The following SFI1 variants were observed in gnomAD, a reference collection of about 807,000 sequenced individuals.
SFI1 encodes the protein SFI1 centrin binding protein.
In SFI1, 195 loss-of-function variants were observed where a neutral mutation model predicts 207.5. The observed-to-expected ratio is 0.94, with a 90% CI of 0.84 to 1.06. SFI1 has a LOEUF of 1.06. Ranked by LOEUF, SFI1 falls within the 50% of genes least tolerant of loss-of-function variation. The pLI, the probability that SFI1 is intolerant of heterozygous loss-of-function variation, is 0.00. For missense variants in SFI1, 1,634 were observed against 1,588.0 expected (o/e 1.03, Z -0.49); for synonymous variants, 630 against 598.9 (o/e 1.05, Z -0.76).
intron 8 of SFI1, among the ~76,000 whole-genome samples, chr22:31,567,742 A>G (rs1221899889): frequency 6.6e-6 from 1 of 152,222 alleles, no homozygotes; most frequent in Non-Finnish European, 1.5e-5. Flanking sequence ...AACTATGCAT[A>G]TATTTTATAT....
rs770237176 is a variant in SFI1, at chr22:31,613,749, G to A, written c.2890G>A (p.Ala964Thr). The A allele has an allele frequency of 3.3e-5, 54 of 1,612,964 alleles. No individual in the cohort carries two copies. Among genetic ancestry groups the A allele is most frequent in the Non-Finnish European group, 3.0e-5 (35 of 1,179,874 alleles). ...TGAGGGTCCCCTTCTCAACCGCATT[G>A]CTGCTGGGGCTGGGGATGGCACCCT... ...TFEGPLLNRI[A>T]AGAGDGTLET... Residue 964 changes from alanine to threonine, a missense_variant, in exon 27 of 33, where the codon GCT (alanine) becomes ACT (threonine). Coordinates refer to ENST00000400288, the MANE Select transcript of SFI1 (RefSeq NM_001007467.3).
chr22:31,575,994 A>G (rs1256010827), intron 10 of SFI1, among the ~76,000 whole-genome samples: 1 of 152,066 alleles, frequency 6.6e-6, no homozygotes, highest in African/African-American at 2.4e-5. Context: ...CAAGATTTTC[A>G]AAACCTAGGC....
chr22:31,521,587 C>T (rs1476871230), intron 2 of SFI1: 1 of 152,134 alleles, frequency 6.6e-6, no homozygotes, highest in Non-Finnish European at 1.5e-5. Context: ...GCCTTAACGC[C>T]ACCCTTGCAA....
intron 32 of SFI1, 34 bp downstream of exon 32, chr22:31,618,260 G>A: frequency 6.3e-7 from 1 of 1,599,464 alleles, no homozygotes; most frequent in Admixed American, 1.8e-5. Flanking sequence ...GTGTCCCTGG[G>A]GACGCCCCGG....
intron 1 of SFI1, among the ~76,000 whole-genome samples, chr22:31,497,841 C>G (rs1167381193): frequency 5.3e-5 from 8 of 152,142 alleles, no homozygotes; most frequent in Non-Finnish European, 1.5e-5. Flanking sequence ...GGATTCCTTT[C>G]AAGATATTAC....
intron 15 of SFI1, among the ~76,000 whole-genome samples, chr22:31,595,730 T>C (rs1173571001): frequency 6.6e-6 from 1 of 152,144 alleles, no homozygotes; most frequent in East Asian, 1.9e-4. Context: ...AGAGGCTTCC[T>C]GTGAGTGAGA....
In SFI1 at chr22:31,551,694, G is replaced by A. The variant is rs79597358; in HGVS notation, c.544+1346G>A. 8.7e-4 allele frequency among the ~76,000 whole-genome samples: 133 copies of A among 152,304 alleles called. 1 individual carries two copies. The East Asian group carries it at 0.013, about 15-fold the overall frequency. ...AATCCACCTGCCTCGCTCTCCCAAA[G>A]TGCTGGCAATACAGGTGTGAGCCAC... On this transcript the variant is annotated intron_variant, in intron 6 of 32. Transcript: ENST00000400288.
Position 31,550,336 on chromosome 22 carries a change from G to A in SFI1, c.532G>A (p.Ala178Thr). The A allele has an allele frequency of 6.2e-7, 1 of 1,614,010 alleles. No individual in the cohort carries two copies. The highest frequency in any genetic ancestry group is 1.1e-5 in the South Asian group (1 of 91,048). The change falls in exon 6 of 33, where the codon GCC becomes ACC. Residue 178 changes from alanine (A) to threonine (T), a missense_variant. Physicochemically the swap from Ala to Thr is moderately conservative, Grantham distance 58. Coordinates refer to ENST00000400288, the MANE Select transcript of SFI1 (RefSeq NM_001007467.3). ...GGAGATGAGGAACAAGTACATTAGA[G>A]CCGAGGTTCATGGTGAGAAAAAGAA... is the stretch of plus-strand genomic sequence containing the variant. ...QQEMRNKYIR[A>T]EVHDAKQKMR... is the part of the protein sequence containing the mutation.
intron 4 of SFI1, among the ~76,000 whole-genome samples, chr22:31,542,969 T>C (rs1165230314): frequency 7.1e-6 from 1 of 140,626 alleles, no homozygotes; most frequent in African/African-American, 2.6e-5. Context: ...ACTTAATTTT[T>C]TTTTTCTTTT....
intron 27 of SFI1, chr22:31,614,503 T>TG: frequency 1.6e-6 from 1 of 622,356 alleles, no homozygotes; most frequent in Non-Finnish European, 3.0e-6. Flanking sequence ...TCTCAGAGGC[T>TG]GCTCCCCTGT....
chr22:31,527,941 C>G (rs2058090105), intron 2 of SFI1, among the ~76,000 whole-genome samples: 1 of 151,428 alleles, frequency 6.6e-6, no homozygotes, highest in Non-Finnish European at 1.5e-5. Flanking sequence ...TGGTGAAACC[C>G]CGTCTCTAAT....
intron 1 of SFI1, among the ~76,000 whole-genome samples, chr22:31,498,617 C>T (rs1215792393): frequency 2.0e-5 from 3 of 149,654 alleles, no homozygotes; most frequent in African/African-American, 7.4e-5. Flanking sequence ...CACCACTGCA[C>T]TCCAGCCTGG....
intron 9 of SFI1, among the ~76,000 whole-genome samples, chr22:31,573,426 A>G (rs1029587890): frequency 6.6e-6 from 1 of 151,320 alleles, no homozygotes; most frequent in African/African-American, 2.4e-5. Context: ...CTATCTAGCT[A>G]TCTGTAGATA....
chr22:31,611,375 C>G, intron 23 of SFI1, 72 bp downstream of exon 23: 1 of 1,488,908 alleles, frequency 6.7e-7, no homozygotes, highest in African/African-American at 1.4e-5. Context: ...GAGACCATTT[C>G]TCAGGAAGGG....
chr22:31,530,817 ATCTCT>A, intron 3 of SFI1: 1 of 517,246 alleles, frequency 1.9e-6, no homozygotes, highest in Non-Finnish European at 3.5e-6. Context: ...GAAGTTTTTA[ATCTCT>A]TCACTGACAA....
At chr22:31,520,343 G>A (rs1184046955) in intron 2 of SFI1, among the ~76,000 whole-genome samples, 1 of 152,014 alleles carries the variant, frequency 6.6e-6, no homozygotes, top group African/African-American at 2.4e-5. Context: ...ACACTGTATA[G>A]TTTAGCTTTG....
chr22:31,596,235 CAG>C (rs770511806), intron 15 of SFI1, among the ~76,000 whole-genome samples: 3 of 151,984 alleles, frequency 2.0e-5, no homozygotes, highest in Non-Finnish European at 2.9e-5. Context: ...CCTTGGATGA[CAG>C]AGCGAGACTC....
At chr22:31,576,612 C>T (rs1051766442) in intron 10 of SFI1, among the ~76,000 whole-genome samples, 3 of 151,954 alleles carry the variant, frequency 2.0e-5, no homozygotes, top group Non-Finnish European at 4.4e-5. Flanking sequence ...TGAGCCACCG[C>T]GTCCAGCTCT....
chr22:31,607,474 A>T (rs1295387763), intron 21 of SFI1, among the ~76,000 whole-genome samples: 1 of 151,888 alleles, frequency 6.6e-6, no homozygotes, highest in African/African-American at 2.4e-5. Flanking sequence ...GTGGTGGTGC[A>T]TGCCTGTAAT....
Sources: allele counts gnomAD v4.1 joint callset (sites outside exome capture counted in the v4.1 genomes callset), GRCh38; gene constraint gnomAD v4.1.1; transcripts MANE v1.5; gene names NCBI Gene and HGNC (gene_info 2026-07-23, HGNC 2026-07-21).